Variants in GSE1 observed in about 807,000 individuals in gnomAD.
GSE1 encodes Gse1 coiled-coil protein.
A neutral mutation model predicts 112.6 loss-of-function variants in GSE1; 32 were observed. The ratio of observed to expected loss-of-function variants is 0.28; its 90% CI spans 0.21 to 0.38. The LOEUF (loss-of-function observed/expected upper bound fraction) is 0.38, where lower values mean the gene tolerates loss of function less well. Among genes scored for constraint, GSE1 ranks in the 10% least tolerant of loss-of-function variants. GSE1 has a pLI of 1.00. For synonymous variants in GSE1, 1,115 were observed against 735.6 expected (o/e 1.52, Z -8.35); for missense variants, 2,348 against 1,699.2 (o/e 1.38, Z -6.71).
chr16:85,303,678 C>T (rs376384731), intron 1 of GSE1, among the ~76,000 whole-genome samples: 155 of 152,356 alleles, frequency 1.0e-3, no homozygotes, highest in African/African-American at 3.7e-3. Context: ...GGAAACACGG[C>T]GGTGCGGGCA....
chr16:85,439,567 G>A (rs750524086), intron 2 of GSE1, among the ~76,000 whole-genome samples: 19 of 151,782 alleles, frequency 1.3e-4, no homozygotes, highest in Non-Finnish European at 1.8e-4. Context: ...CACCCCAGGC[G>A]TCACACTGAG....
intron 2 of GSE1, among the ~76,000 whole-genome samples, chr16:85,431,435 T>C (rs766987956): frequency 3.9e-5 from 6 of 152,214 alleles, no homozygotes; most frequent in Non-Finnish European, 8.8e-5. Flanking sequence ...GAAAATACAA[T>C]TCTTACGTTA....
At chr16:85,546,513 T>C (rs2044708152) in intron 2 of GSE1, among the ~76,000 whole-genome samples, 1 of 152,208 alleles carries the variant, frequency 6.6e-6, no homozygotes, top group Non-Finnish European at 1.5e-5. Context: ...GTAGGATTGG[T>C]GGGGAGCCAG....
intron 1 of GSE1, among the ~76,000 whole-genome samples, chr16:85,626,428 C>T (rs544962970): frequency 2.0e-5 from 3 of 152,346 alleles, no homozygotes; most frequent in South Asian, 4.1e-4. Context: ...GAGTGGGGAT[C>T]GCGGGGGCGG....
chr16:85,428,304 G>T (rs1354700922), intron 2 of GSE1, among the ~76,000 whole-genome samples: 1 of 152,188 alleles, frequency 6.6e-6, no homozygotes, highest in African/African-American at 2.4e-5. Context: ...CTTGGTGAGA[G>T]CTGTGAGGGG....
chr16:85,203,339 C>G (rs1314152234), intron 1 of GSE1, among the ~76,000 whole-genome samples: 1 of 152,248 alleles, frequency 6.6e-6, no homozygotes, highest in East Asian at 1.9e-4. Flanking sequence ...GTGTCCAGGT[C>G]CAGTCTAAAG....
chr16:85,441,381 G>A (rs919898945), intron 2 of GSE1, among the ~76,000 whole-genome samples: 9 of 152,312 alleles, frequency 5.9e-5, no homozygotes, highest in Admixed American at 1.3e-4. Context: ...GTGGTCTGGC[G>A]TGGTGGCTCA....
chr16:85,354,706 A>G (rs1469356417), intron 1 of GSE1, among the ~76,000 whole-genome samples: 2 of 152,222 alleles, frequency 1.3e-5, no homozygotes, highest in Non-Finnish European at 1.5e-5. Context: ...GATGCGGCCC[A>G]GCATGACCGG....
rs1158299810 is a variant in GSE1 at position 85,419,894 on chromosome 16, G to A, written c.2464+62251G>A. Among the ~76,000 whole-genome samples the A allele has an allele frequency of 2.0e-5, 3 of 152,112 alleles. No individual in the cohort carries two copies. The highest frequency in any genetic ancestry group is 2.9e-5 in the Non-Finnish European group (2 of 68,018). ...CCACTGCTCTGGGAGGGTCAGAGTC[G>A]GGGGGACTGGGCTGGAACAGAACTG... On this transcript the variant is annotated intron_variant, in intron 2 of 2. Transcript: ENST00000637419. The surrounding 1 kb of genome is among the most constrained non-coding windows in gnomAD (Gnocchi z 6.5).
intron 1 of GSE1, among the ~76,000 whole-genome samples, chr16:85,334,314 G>A (rs553303619): frequency 6.6e-6 from 1 of 152,210 alleles, no homozygotes; most frequent in South Asian, 2.1e-4. Context: ...TTTGTCATCT[G>A]GAAAAAGTCA....
chr16:85,621,591 A>G (rs933740834), intron 1 of GSE1, among the ~76,000 whole-genome samples: 2 of 152,156 alleles, frequency 1.3e-5, no homozygotes, highest in Admixed American at 6.5e-5. Context: ...CACAGGGAGG[A>G]CATTTTAACT....
chr16:85,183,313 C>T (rs1325630843), intron 1 of GSE1, among the ~76,000 whole-genome samples: 1 of 152,260 alleles, frequency 6.6e-6, no homozygotes, highest in African/African-American at 2.4e-5. Context: ...GCCTAGCTCT[C>T]ACCTGTGCCA....
intron 1 of GSE1, among the ~76,000 whole-genome samples, chr16:85,276,304 C>G (rs1350472100): frequency 6.6e-6 from 1 of 151,036 alleles, no homozygotes; most frequent in East Asian, 2.0e-4. Flanking sequence ...ACGGGTACTG[C>G]TGCAGAAGGG....
At chr16:85,658,793 C>T (rs1380543541) in intron 8 of GSE1, among the ~76,000 whole-genome samples, 1 of 145,886 alleles carries the variant, frequency 6.9e-6, no homozygotes, top group Non-Finnish European at 1.6e-5. Flanking sequence ...TGCCCTGACT[C>T]CTGTAGGCAT....
intron 1 of GSE1, among the ~76,000 whole-genome samples, chr16:85,235,573 GGGT>G (rs1254891487): frequency 0.03 from 1,589 of 52,320 alleles, 63 homozygotes; most frequent in South Asian, 0.054. Context: ...GTGTGTGTGT[GGGT>G]GGGGGGGGGG....
intron 1 of GSE1, among the ~76,000 whole-genome samples, chr16:85,590,661 A>C (rs2046965230): frequency 6.6e-6 from 1 of 152,068 alleles, no homozygotes; most frequent in Admixed American, 6.5e-5. Flanking sequence ...GTGATTGAGC[A>C]TGTGTGATAT....
intron 1 of GSE1, among the ~76,000 whole-genome samples, chr16:85,180,197 G>A (rs1314018428): frequency 2.0e-5 from 3 of 151,770 alleles, no homozygotes; most frequent in Admixed American, 6.6e-5. Context: ...TGGGCTTCCC[G>A]CGAGAGGTGC....
chr16:85,197,750 C>G (rs1476873342), intron 1 of GSE1, among the ~76,000 whole-genome samples: 1 of 152,222 alleles, frequency 6.6e-6, no homozygotes, highest in Non-Finnish European at 1.5e-5. Flanking sequence ...CCTGCCCCAT[C>G]TCCTCGTTGG....
At chr16:85,628,335 G>T (rs2049252550) in intron 1 of GSE1, among the ~76,000 whole-genome samples, 1 of 152,252 alleles carries the variant, frequency 6.6e-6, no homozygotes, top group South Asian at 2.1e-4. Context: ...CCGGGGCAGG[G>T]ATGCTGCCCG....
Sources: allele counts gnomAD v4.1 joint callset (sites outside exome capture counted in the v4.1 genomes callset), GRCh38; gene constraint gnomAD v4.1.1; non-coding constraint Gnocchi (gnomAD v3.1); transcripts MANE v1.5; gene names NCBI Gene and HGNC (gene_info 2026-07-23, HGNC 2026-07-21).